LARGE1: variants seen among roughly 807,000 people sequenced by gnomAD.
LARGE1 encodes the protein LARGE xylosyl- and glucuronyltransferase 1.
Under a neutral mutation model 87.6 loss-of-function variants are expected in LARGE1, and 43 were observed. That is an observed-to-expected ratio of 0.49 (90% CI 0.38 to 0.63). The LOEUF is 0.63. LARGE1 is among the 30% of genes least tolerant of loss of function. The probability of loss-of-function intolerance (pLI) is 0.00; values close to 1 mark genes in which losing one functional copy is unlikely to be tolerated. For synonymous variants in LARGE1, 434 were observed against 394.6 expected, an observed-to-expected ratio of 1.10 and a Z score of -1.18; for missense variants, 802 against 1,000.2, an observed-to-expected ratio of 0.80 and a Z score of 2.67.
At chr22:33,438,053 G>C (rs1315343618) in intron 6 of LARGE1, among the ~76,000 whole-genome samples, 1 of 152,060 alleles carries the variant, frequency 6.6e-6, no homozygotes, top group African/African-American at 2.4e-5. Context: ...CCTTCTAGGA[G>C]AGAAGTCCCC....
At position 33,283,336 on chromosome 22, in the gene LARGE1, G is replaced by C. The variant is rs747357315; in HGVS notation, c.1743C>G (p.Ile581Met). The part of the protein sequence containing the change: ...GLYEYLRKSV[I>M]QLDLANTKKA... ...TCTTGGTGTTGGCAAGATCGAGCTG[G>C]ATGACAGACTTCCTGAAAAGAGGGG... Residue 581 changes from isoleucine (I) to methionine (M), a missense_variant, in exon 13 of 15, where the codon ATC (isoleucine) becomes ATG (methionine). Around this residue, in one of 2 missense-constraint regions of LARGE1, gnomAD observed 625 missense variants for 841.9 expected, o/e 0.74. Transcript: ENST00000397394. The C allele has an allele frequency of 3.1e-6, 5 of 1,614,166 alleles. No individual in the cohort carries two copies. The Admixed American group carries it at 5.0e-5, about 16-fold the overall frequency.
intron 11 of LARGE1, among the ~76,000 whole-genome samples, chr22:33,222,178 T>G (rs1925488020): frequency 6.6e-6 from 1 of 152,066 alleles, no homozygotes; most frequent in Admixed American, 6.6e-5. Flanking sequence ...AAAATACATC[T>G]AAGAAAAAAG....
intron 7 of LARGE1, among the ~76,000 whole-genome samples, chr22:33,418,672 G>C (rs1249527396): frequency 6.6e-6 from 1 of 152,164 alleles, no homozygotes; most frequent in Non-Finnish European, 1.5e-5. Flanking sequence ...GGGTGAGAAT[G>C]TGCCTGGGCA....
intron 2 of LARGE1, among the ~76,000 whole-genome samples, chr22:33,729,174 A>G (rs1360864770): frequency 6.6e-6 from 1 of 152,216 alleles, no homozygotes; most frequent in Non-Finnish European, 1.5e-5. Flanking sequence ...TTACAATTAA[A>G]ACACATGTAT....
rs1187130857 is a variant in LARGE1 at position 33,464,830 on chromosome 22, T to C, written c.788-32565A>G. Among the ~76,000 whole-genome samples, 8 of 151,836 alleles carry C rather than the reference T, an allele frequency of 5.3e-5. No homozygotes were observed. The East Asian group carries it at 1.4e-3, about 26-fold the overall frequency. On this transcript the variant is annotated intron_variant, in intron 6 of 14. Coordinates refer to ENST00000397394, the MANE Select transcript of LARGE1 (RefSeq NM_133642.5). ...AAAGTTGACTGTGTATACACACACA[T>C]GCACACACCCACGCACACATACACA...
chr22:33,352,636 G>A (rs1024056062), intron 9 of LARGE1, among the ~76,000 whole-genome samples: 1 of 152,044 alleles, frequency 6.6e-6, no homozygotes, highest in Non-Finnish European at 1.5e-5. Flanking sequence ...GCAGGCGCCT[G>A]TAATCCCAGC....
chr22:33,223,389 CCTTTT>C (rs1925555645), intron 11 of LARGE1, among the ~76,000 whole-genome samples: 1 of 152,148 alleles, frequency 6.6e-6, no homozygotes, highest in Non-Finnish European at 1.5e-5. Flanking sequence ...GCTATAGGCA[CCTTTT>C]CTTCAAGATA....
intron 1 of LARGE1, among the ~76,000 whole-genome samples, chr22:33,878,476 A>G (rs575482127): frequency 6.6e-6 from 1 of 152,246 alleles, no homozygotes; most frequent in African/African-American, 2.4e-5. Context: ...TAGCTTATCA[A>G]ACTGTTTTCC....
chr22:33,872,276 T>C (rs902228813), intron 1 of LARGE1, among the ~76,000 whole-genome samples: 4 of 151,720 alleles, frequency 2.6e-5, no homozygotes, highest in African/African-American at 9.7e-5. Context: ...CAGCATCCAC[T>C]TCACAGAGTC....
intron 6 of LARGE1, among the ~76,000 whole-genome samples, chr22:33,524,275 A>C (rs1349337711): frequency 8.0e-6 from 1 of 124,608 alleles, no homozygotes; most frequent in Admixed American, 9.1e-5. Flanking sequence ...TGGGCAACAG[A>C]GTGAGACTCC....
At chr22:33,616,425 G>A (rs2079582932) in intron 4 of LARGE1, among the ~76,000 whole-genome samples, 2 of 152,074 alleles carry the variant, frequency 1.3e-5, no homozygotes, top group Non-Finnish European at 2.9e-5. Context: ...CCAGCTACTT[G>A]GGAGGCTGAG....
At chr22:33,878,933 T>C (rs940570951) in intron 1 of LARGE1, among the ~76,000 whole-genome samples, 3 of 151,908 alleles carry the variant, frequency 2.0e-5, no homozygotes, top group Admixed American at 2.0e-4. Context: ...TTTCAATACT[T>C]GGCCATAGTG....
chr22:33,309,555 AG>A (rs1935330526), intron 11 of LARGE1, among the ~76,000 whole-genome samples: 1 of 152,198 alleles, frequency 6.6e-6, no homozygotes, highest in Non-Finnish European at 1.5e-5. Context: ...TGAGCCAGGA[AG>A]TGCCCCCTCG....
the LARGE1 span, among the ~76,000 whole-genome samples, chr22:33,133,869 T>C: frequency 4.6e-5 from 7 of 152,328 alleles, no homozygotes; most frequent in African/African-American, 1.7e-4. Context: ...AGGGCACTTA[T>C]AAAGAGAATG....
intron 2 of LARGE1, among the ~76,000 whole-genome samples, chr22:33,705,907 T>TA (rs917772486): frequency 4.6e-5 from 7 of 152,220 alleles, no homozygotes; most frequent in African/African-American, 1.2e-4. Context: ...ACTTTAACTC[T>TA]AAAAATCTAT....
chr22:33,883,082 T>A (rs2064744647), intron 1 of LARGE1, among the ~76,000 whole-genome samples: 1 of 152,154 alleles, frequency 6.6e-6, no homozygotes, highest in Non-Finnish European at 1.5e-5. Flanking sequence ...CGGATGCCAA[T>A]GCCGGAGAAG....
chr22:33,740,290 C>T (rs1015076372), intron 2 of LARGE1, among the ~76,000 whole-genome samples: 1 of 152,180 alleles, frequency 6.6e-6, no homozygotes, highest in African/African-American at 2.4e-5. Context: ...GATTCCTGAA[C>T]ACCGGCATAC....
chr22:33,708,727 A>G (rs942083432), intron 2 of LARGE1, among the ~76,000 whole-genome samples: 5 of 152,150 alleles, frequency 3.3e-5, no homozygotes, highest in Admixed American at 2.6e-4. Flanking sequence ...CAGCCTCCTG[A>G]GTAGGTGGGA....
At chr22:33,716,651 C>T (rs768824289) in intron 2 of LARGE1, among the ~76,000 whole-genome samples, 18 of 152,198 alleles carry the variant, frequency 1.2e-4, no homozygotes, top group Non-Finnish European at 1.2e-4. Flanking sequence ...CCACCTGCCT[C>T]GGCCTCCCCA....
Sources: gnomAD v4.1 joint callset for allele counts (sites outside exome capture counted in the v4.1 genomes callset) on GRCh38, gnomAD v4.1.1 for gene constraint, gnomAD v4.1.1 regional missense constraint, MANE v1.5 for transcripts, NCBI Gene and HGNC (gene_info 2026-07-23, HGNC 2026-07-21) for gene names.